The following OAS2 variants were observed in gnomAD, a reference collection of about 807,000 sequenced individuals.
OAS2 encodes the protein 2'-5'-oligoadenylate synthetase 2.
Under a neutral mutation model 71.3 loss-of-function variants are expected in OAS2, and 67 were observed. The observed-to-expected ratio is 0.94, with a 90% CI of 0.77 to 1.15. The LOEUF (loss-of-function observed/expected upper bound fraction) is 1.15, where lower values mean the gene tolerates loss of function less well. Ranked by LOEUF, OAS2 falls within the 50% of genes most tolerant of loss-of-function variation. The pLI is 0.00. For synonymous variants in OAS2, 327 were observed against 321.8 expected (o/e 1.02, Z -0.17); for missense variants, 789 against 822.5 (o/e 0.96, Z 0.50).
chr12:112,984,024 A>G (rs956655613), intron 1 of OAS2, among the ~76,000 whole-genome samples: 1 of 152,194 alleles, frequency 6.6e-6, no homozygotes, highest in African/African-American at 2.4e-5. Context: ...ATCTGCAAAT[A>G]TTCATTAGGT....
chr12:112,988,143 C>A lies in OAS2; in HGVS notation c.448+835C>A, dbSNP rs540945087. The A allele has an allele frequency of 3.0e-6, 3 of 985,018 alleles. No homozygotes were observed. The African/African-American group carries it at 5.2e-5, about 17-fold the overall frequency. 61.0% of individuals were successfully genotyped at this position (985,018 alleles called of 1,614,324 possible). A position where few individuals can be genotyped will look rare whatever the true frequency, so the allele number is the denominator to read the frequency against. On this transcript the variant is annotated intron_variant, in intron 2 of 9. Coordinates refer to ENST00000392583, the MANE Select transcript of OAS2 (RefSeq NM_002535.3). ...ATCTCCCACTAAGCCTACAAAATGTCCAGGTGTCCTAAAAGTTCAGCCCAC... is the reference window on the plus strand; with the variant it reads ...ATCTCCCACTAAGCCTACAAAATGTACAGGTGTCCTAAAAGTTCAGCCCAC...
intron 3 of OAS2, 138 bp downstream of exon 3, chr12:112,995,612 C>A: frequency 1.2e-6 from 1 of 810,194 alleles, no homozygotes; most frequent in Non-Finnish European, 1.9e-6. Flanking sequence ...CCCAAATCAA[C>A]ATAGGGAACG....
rs56222228 is a variant in OAS2 at position 113,007,906 on chromosome 12, G to A, written c.1858G>A (p.Val620Met). Residue 620 changes from valine to methionine, a missense_variant, in exon 9 of 10, where the codon GTG (valine) becomes ATG (methionine). Val to Met is a conservative substitution (Grantham distance 21). Coordinates refer to ENST00000392583, the MANE Select transcript of OAS2 (RefSeq NM_002535.3). Reference sequence around the variant, plus strand: ...CAATTACAACTTTGAAGATGAGACCGTGAGGAAGTTTCTACTGAGCCAGTT... The same window carrying A: ...CAATTACAACTTTGAAGATGAGACCATGAGGAAGTTTCTACTGAGCCAGTT... ...KVNYNFEDET[V>M]RKFLLSQLQK... 159 of 1,614,086 alleles carry A rather than the reference G, an allele frequency of 9.9e-5. No homozygotes were observed. The South Asian group carries it at 1.3e-3, about 14-fold the overall frequency.
rs767974153 is a variant in OAS2, at chr12:112,997,747, A to G, written c.855A>G (p.Gln285=). 1.3e-6 allele frequency: 2 copies of G among 1,587,242 alleles called. No individual in the cohort carries two copies. The highest frequency in any genetic ancestry group is 2.3e-5 in the East Asian group (1 of 44,296). The change falls in exon 4 of 10, where the codon CAA becomes CAG. Residue 285 remains glutamine, a synonymous_variant. Transcript: ENST00000392583. ...TIRNILLHQL[Q]SARPVILDPV... ...GGAACATCCTGCTGCACCAGCTCCA[A>G]TCAGCGAGGTGCCAAGCTTCTCACA...
At chr12:112,999,001 G>C (rs1229141514) in intron 5 of OAS2, among the ~76,000 whole-genome samples, 1 of 152,222 alleles carries the variant, frequency 6.6e-6, no homozygotes, top group Non-Finnish European at 1.5e-5. Context: ...ATGGAACAAA[G>C]AGAAAGGGGG....
chr12:112,984,071 C>A (rs1254374499), intron 1 of OAS2, among the ~76,000 whole-genome samples: 1 of 152,038 alleles, frequency 6.6e-6, no homozygotes, highest in Non-Finnish European at 1.5e-5. Context: ...TCCAGTATTT[C>A]TTTGCTGATT....
chr12:113,001,425 T>C (rs1381856076), intron 5 of OAS2, among the ~76,000 whole-genome samples: 3 of 147,406 alleles, frequency 2.0e-5, no homozygotes, highest in African/African-American at 7.7e-5. Context: ...TACACATATA[T>C]GCACATATAT....
At chr12:112,996,836 C>T (rs540015962) in intron 3 of OAS2, among the ~76,000 whole-genome samples, 5 of 152,142 alleles carry the variant, frequency 3.3e-5, no homozygotes, top group African/African-American at 1.2e-4. Flanking sequence ...GTGAAATGGG[C>T]GAAGCTTTAT....
chr12:112,978,531 C>G lies in OAS2; in HGVS notation c.-78C>G. On this transcript the variant is annotated 5_prime_UTR_variant, in exon 1 of 10. Transcript: ENST00000392583. This position sits in a 1 kb window ranked among gnomAD's most constrained non-coding sequence, Gnocchi z 4.2. ...GCCTCTAGACTTCAGTTTCAGTTTCCTGGCTCTGGGCAGCAGCAAGAATTC... is the reference window on the plus strand; with the variant it reads ...GCCTCTAGACTTCAGTTTCAGTTTCGTGGCTCTGGGCAGCAGCAAGAATTC... 1.3e-6 allele frequency: 2 copies of G among 1,521,070 alleles called. No homozygotes were observed. The highest frequency in any genetic ancestry group is 1.8e-6 in the Non-Finnish European group (2 of 1,103,018). The allele number at this position is 1,521,070 out of a possible 1,614,324, so 94.2% of individuals were successfully genotyped here.
intron 1 of OAS2, among the ~76,000 whole-genome samples, chr12:112,979,022 T>C (rs1285617628): frequency 2.6e-5 from 4 of 152,156 alleles, no homozygotes; most frequent in African/African-American, 9.7e-5. Context: ...AGAGGCATAA[T>C]ACCCACTTCA....
At chr12:112,996,225 T>A (rs2044231086) in intron 3 of OAS2, among the ~76,000 whole-genome samples, 1 of 152,188 alleles carries the variant, frequency 6.6e-6, no homozygotes, top group South Asian at 2.1e-4. Flanking sequence ...GATTGGGTCA[T>A]TTTCAAATTG....
intron 7 of OAS2, among the ~76,000 whole-genome samples, chr12:113,006,126 C>T (rs1219160000): frequency 6.6e-6 from 1 of 152,028 alleles, no homozygotes; most frequent in African/African-American, 2.4e-5. Flanking sequence ...AATTTTCATT[C>T]CCTTTAATGA....
At chr12:112,998,695 T>G (rs1033807905) in intron 5 of OAS2, among the ~76,000 whole-genome samples, 1 of 152,212 alleles carries the variant, frequency 6.6e-6, no homozygotes, top group African/African-American at 2.4e-5. Flanking sequence ...CCTTGGCTTG[T>G]GGCTGCATCA....
Position 113,010,381 on chromosome 12 carries a change from A to C in OAS2, c.*1126A>C. The C allele has an allele frequency of 6.2e-7, 1 of 1,613,358 alleles. No homozygotes were observed. The highest frequency in any genetic ancestry group is 1.1e-5 in the South Asian group (1 of 90,884). The stretch of plus-strand genomic sequence containing the variant: ...GTATGTTTTTCTTTTTAGACAATGC[A>C]GACACCAGGAAGTTGTGGAGCTAGG... On this transcript the variant is annotated 3_prime_UTR_variant, in exon 10 of 10. Transcript: ENST00000392583.
At position 113,005,231 on chromosome 12, in the gene OAS2, C is replaced by CCCCAGACCTT. The variant is rs778250180; in HGVS notation, c.1468+10_1468+19dup. The CCCCAGACCTT allele has an allele frequency of 2.5e-6, 4 of 1,605,492 alleles. No homozygotes were observed. The highest frequency in any genetic ancestry group is 3.4e-6 in the Non-Finnish European group (4 of 1,174,504). Reference sequence around the variant, plus strand: ...TGCCTTTAATGCACTGGGTAAGGCTCCCCAGACCTTAGCTTGGAAGTGATG... The same window carrying CCCCAGACCTT: ...TGCCTTTAATGCACTGGGTAAGGCTCCCCAGACCTTCCCAGACCTTAGCTTGGAAGTGATG... On this transcript the variant is annotated intron_variant, in intron 7 of 9. Coordinates refer to ENST00000392583, the MANE Select transcript of OAS2 (RefSeq NM_002535.3).
intron 5 of OAS2, among the ~76,000 whole-genome samples, chr12:112,999,651 C>T (rs1248566773): frequency 6.6e-6 from 1 of 152,206 alleles, no homozygotes; most frequent in African/African-American, 2.4e-5. Context: ...CCTGTGCCCA[C>T]CCTAACCCCT....
chr12:112,988,918 G>A (rs1456096400), intron 2 of OAS2: 1 of 167,770 alleles, frequency 6.0e-6, no homozygotes, highest in Non-Finnish European at 1.2e-5. Context: ...AAAAGTATCT[G>A]AGACAGGTCT....
rs946030264 is a variant in OAS2, at chr12:112,997,683, A to G, written c.791A>G (p.Tyr264Cys). ...AAATGCCAGGAGAAGCTGTGTATCT[A>G]TTGGATGGTCAACTACAACTTTGAA... ...LIKCQEKLCI[Y>C]WMVNYNFEDE... The change falls in exon 4 of 10, where the codon TAT (tyrosine) becomes TGT (cysteine). Residue 264 changes from tyrosine to cysteine, a missense_variant. Tyr to Cys is a radical substitution (Grantham distance 194, BLOSUM62 -2). Coordinates refer to ENST00000392583, the MANE Select transcript of OAS2 (RefSeq NM_002535.3). The G allele has an allele frequency of 2.5e-6, 4 of 1,613,934 alleles. No homozygotes were observed. The African/African-American group carries it at 5.3e-5, about 22-fold the overall frequency.
At chr12:112,984,977 A>G (rs1009210289) in intron 1 of OAS2, among the ~76,000 whole-genome samples, 3 of 151,984 alleles carry the variant, frequency 2.0e-5, no homozygotes, top group Admixed American at 6.6e-5. Context: ...ATATCATCCT[A>G]TTCTCTTCTG....
Sources: allele counts gnomAD v4.1 joint callset (sites outside exome capture counted in the v4.1 genomes callset), GRCh38; gene constraint gnomAD v4.1.1; non-coding constraint Gnocchi (gnomAD v3.1); transcripts MANE v1.5; gene names NCBI Gene and HGNC (gene_info 2026-07-23, HGNC 2026-07-21).